MNS1: variants seen among roughly 807,000 people sequenced by gnomAD.
MNS1 encodes the protein meiosis-specific nuclear structural protein 1.
In MNS1, 63 loss-of-function variants were observed where a neutral mutation model predicts 72.0. The ratio of observed to expected loss-of-function variants is 0.87; its 90% CI spans 0.71 to 1.08. The LOEUF is 1.08. Among genes scored for constraint, MNS1 ranks in the 50% least tolerant of loss-of-function variants. The pLI is 0.00. For synonymous variants in MNS1, 188 were observed against 172.1 expected (o/e 1.09, Z -0.72); for missense variants, 604 against 562.4 (o/e 1.07, Z -0.75).
chr15:56,446,334 C>T (rs879279385), intron 4 of MNS1, among the ~76,000 whole-genome samples: 10 of 151,922 alleles, frequency 6.6e-5, no homozygotes, highest in Non-Finnish European at 1.0e-4. Flanking sequence ...GTGAGTATGC[C>T]TGAGATTCCT....
chr15:56,460,009 A>AAAAAAAAAAAAAATATATATAT lies in MNS1; in HGVS notation c.226-3489_226-3488insATATATATATTTTTTTTTTTTT. 3.4e-4 allele frequency among the ~76,000 whole-genome samples: 9 copies of AAAAAAAAAAAAAATATATATAT among 26,406 alleles called. 2 individuals carry two copies. The highest frequency in any genetic ancestry group is 6.0e-4 in the African/African-American group (4 of 6,650). 17.3% of individuals were successfully genotyped at this position (26,406 alleles called of 152,430 possible). A position where few individuals can be genotyped will look rare whatever the true frequency, so the allele number is the denominator to read the frequency against. ...CTGTCTCAAAAAAAAAAAAAAAAAAAATACATATATATATATATATATATA... is the reference window on the plus strand; with the variant it reads ...CTGTCTCAAAAAAAAAAAAAAAAAAAAAAAAAAAAAAAATATATATATATACATATATATATATATATATATA... On this transcript the variant is annotated intron_variant, in intron 2 of 9. Coordinates refer to ENST00000260453, the MANE Select transcript of MNS1 (RefSeq NM_018365.4).
At chr15:56,439,494 G>C (rs2050783256) in intron 7 of MNS1, among the ~76,000 whole-genome samples, 1 of 152,020 alleles carries the variant, frequency 6.6e-6, no homozygotes, top group African/African-American at 2.4e-5. Context: ...ATTCAAAACT[G>C]TGTAGTATTG....
chr15:56,451,212 G>A (rs1207785185), intron 3 of MNS1, among the ~76,000 whole-genome samples: 6 of 152,152 alleles, frequency 3.9e-5, no homozygotes, highest in African/African-American at 7.2e-5. Context: ...AGTTTTTCAC[G>A]TAGTCCCAAG....
At chr15:56,459,711 C>T (rs373384822) in intron 2 of MNS1, among the ~76,000 whole-genome samples, 12 of 151,858 alleles carry the variant, frequency 7.9e-5, no homozygotes, top group South Asian at 2.1e-4. Flanking sequence ...TGGCTGGGCA[C>T]GGTGGCTCAT....
At chr15:56,433,833 A>C (rs2050666809) in intron 8 of MNS1, among the ~76,000 whole-genome samples, 1 of 152,174 alleles carries the variant, frequency 6.6e-6, no homozygotes, top group Non-Finnish European at 1.5e-5. Context: ...CTATTATCAC[A>C]TGTACATGAC....
chr15:56,443,326 T>G (rs1336073311), intron 7 of MNS1, 104 bp downstream of exon 7: 2 of 803,616 alleles, frequency 2.5e-6, no homozygotes, highest in Non-Finnish European at 3.7e-6. Flanking sequence ...ACATATAATG[T>G]AATTACCAGT....
chr15:56,448,935 A>G lies in MNS1; in HGVS notation c.354-1992T>C, dbSNP rs375868815. 2.0e-5 allele frequency among the ~76,000 whole-genome samples: 3 copies of G among 151,776 alleles called. 1 individual carries two copies. The highest frequency in any genetic ancestry group is 6.6e-5 in the Admixed American group (1 of 15,236). ...TGCCCGGTTAATTTTTTGTATTTTG[A>G]GTACAGATGGAGTTACACCATGTTG... On this transcript the variant is annotated intron_variant, in intron 3 of 9. Transcript: ENST00000260453.
At chr15:56,438,796 A>G (rs1567149314) in intron 7 of MNS1, among the ~76,000 whole-genome samples, 1 of 152,208 alleles carries the variant, frequency 6.6e-6, no homozygotes, top group Non-Finnish European at 1.5e-5. Context: ...ATTTACAAGA[A>G]AAAATCAAAC....
At chr15:56,463,480 A>C (rs1313634015) in intron 2 of MNS1, among the ~76,000 whole-genome samples, 2 of 152,144 alleles carry the variant, frequency 1.3e-5, no homozygotes, top group Non-Finnish European at 2.9e-5. Flanking sequence ...ATTTTATAGA[A>C]AAAGCATAAA....
At position 56,464,951 on chromosome 15, in the gene MNS1, A is replaced by G. The variant is rs749983207; in HGVS notation, c.3+19T>C. The G allele has an allele frequency of 1.2e-6, 2 of 1,611,520 alleles. No individual in the cohort carries two copies. The highest frequency in any genetic ancestry group is 8.5e-7 in the Non-Finnish European group (1 of 1,179,132). The stretch of plus-strand genomic sequence containing the variant: ...AATCAACAATAAACAAGTAGTTTCA[A>G]GTCCCCCAACTGGCTCACCATCTTG... On this transcript the variant is annotated intron_variant, in intron 1 of 9. Transcript: ENST00000260453.
At position 56,459,319 on chromosome 15, in the gene MNS1, T is replaced by C. The variant is rs543708031; in HGVS notation, c.226-2798A>G. Among the ~76,000 whole-genome samples the C allele has an allele frequency of 3.9e-5, 6 of 152,350 alleles. No homozygotes were observed. The South Asian group carries it at 1.2e-3, about 32-fold the overall frequency. On this transcript the variant is annotated intron_variant, in intron 2 of 9. Transcript: ENST00000260453. ...ATTCCTTTTTATGGCTGTGTAATAT[T>C]CCATTGTATAGATGTAACACATTTT...
chr15:56,446,232 G>A (rs2050901436), intron 4 of MNS1, among the ~76,000 whole-genome samples: 1 of 151,916 alleles, frequency 6.6e-6, no homozygotes, highest in African/African-American at 2.4e-5. Flanking sequence ...CCTTCTGTTT[G>A]ATAATGAGAG....
intron 2 of MNS1, among the ~76,000 whole-genome samples, chr15:56,460,435 C>T (rs2051013169): frequency 6.6e-6 from 1 of 152,150 alleles, no homozygotes; most frequent in South Asian, 2.1e-4. Context: ...CAACTAAATG[C>T]AATCTATGGT....
intron 5 of MNS1, among the ~76,000 whole-genome samples, chr15:56,444,077 T>G (rs543107360): frequency 2.0e-5 from 3 of 152,070 alleles, no homozygotes; most frequent in Non-Finnish European, 4.4e-5. Flanking sequence ...TGAAGTTTTA[T>G]GCATCTTATT....
In MNS1 at chr15:56,429,847, A is replaced by C. The variant is rs1220529500; in HGVS notation, c.1396-654T>G. 3 of 152,302 alleles carry C rather than the reference A, an allele frequency of 2.0e-5. No homozygotes were observed. In the East Asian group the frequency reaches 5.8e-4, roughly 29 times the overall value. The allele number at this position is 152,302 out of a possible 1,614,324, so 9.4% of individuals were successfully genotyped here. ...AGGATAAAGGTCATTTTTGGATATC[A>C]AGTTTATTAATCCCTCCTGCTGCCT... On this transcript the variant is annotated intron_variant, in intron 9 of 9. Coordinates refer to ENST00000260453, the MANE Select transcript of MNS1 (RefSeq NM_018365.4).
chr15:56,460,009 A>AAAAAAAAAT lies in MNS1; in HGVS notation c.226-3489_226-3488insATTTTTTTT. Among the ~76,000 whole-genome samples the AAAAAAAAAT allele has an allele frequency of 2.8e-3, 75 of 26,372 alleles. 14 individuals carry two copies. The highest frequency in any genetic ancestry group is 3.6e-3 in the Non-Finnish European group (51 of 14,302). 17.3% of individuals were successfully genotyped at this position (26,372 alleles called of 152,430 possible). A position where few individuals can be genotyped will look rare whatever the true frequency, so the allele number is the denominator to read the frequency against. Reference sequence around the variant, plus strand: ...CTGTCTCAAAAAAAAAAAAAAAAAAAATACATATATATATATATATATATA... The same window carrying AAAAAAAAAT: ...CTGTCTCAAAAAAAAAAAAAAAAAAAAAAAAAAATATACATATATATATATATATATATA... On this transcript the variant is annotated intron_variant, in intron 2 of 9. Coordinates refer to ENST00000260453, the MANE Select transcript of MNS1 (RefSeq NM_018365.4).
intron 2 of MNS1, among the ~76,000 whole-genome samples, chr15:56,457,703 G>A (rs1450513061): frequency 6.6e-6 from 1 of 151,684 alleles, no homozygotes; most frequent in Non-Finnish European, 1.5e-5. Flanking sequence ...AGTTCTAGCT[G>A]TATCAGGAGG....
chr15:56,453,549 G>C (rs138971928), intron 3 of MNS1, among the ~76,000 whole-genome samples: 1 of 152,210 alleles, frequency 6.6e-6, no homozygotes, highest in East Asian at 1.9e-4. Flanking sequence ...AATGGTTTTT[G>C]CTGAACTTAA....
intron 2 of MNS1, among the ~76,000 whole-genome samples, chr15:56,460,280 C>T (rs2051012327): frequency 6.6e-6 from 1 of 151,790 alleles, no homozygotes; most frequent in Non-Finnish European, 1.5e-5. Flanking sequence ...GGGGTCTTAT[C>T]TCTGGTGTCT....
Sources: gnomAD v4.1 joint callset for allele counts (sites outside exome capture counted in the v4.1 genomes callset) on GRCh38, gnomAD v4.1.1 for gene constraint, MANE v1.5 for transcripts, NCBI Gene and HGNC (gene_info 2026-07-23, HGNC 2026-07-21) for gene names.